Variants in STAU2 observed in about 807,000 individuals in gnomAD.
STAU2 encodes the protein double-stranded RNA-binding protein Staufen homolog 2.
STAU2 carries 20 observed loss-of-function variants against 65.9 expected under a neutral mutation model. That is an observed-to-expected ratio of 0.30 (90% CI 0.21 to 0.44). The LOEUF (loss-of-function observed/expected upper bound fraction) is 0.44. Ranked by LOEUF, STAU2 falls within the 20% of genes least tolerant of loss-of-function variation. STAU2 has a pLI of 1.00. For synonymous variants in STAU2, 232 were observed against 233.9 expected (o/e 0.99, Z 0.07); for missense variants, 558 against 683.9 (o/e 0.82, Z 2.05).
chr8:73,707,798 G>C (rs894609659), intron 4 of STAU2, among the ~76,000 whole-genome samples: 1 of 151,984 alleles, frequency 6.6e-6, no homozygotes, highest in Non-Finnish European at 1.5e-5. Context: ...CTATAACACA[G>C]TAACGGCTAC....
intron 8 of STAU2, among the ~76,000 whole-genome samples, 171 bp from the exon 9 acceptor site, chr8:73,614,127 T>G (rs1812663150): frequency 6.6e-6 from 1 of 152,214 alleles, no homozygotes; most frequent in African/African-American, 2.4e-5. Flanking sequence ...TGACACTTGA[T>G]GCTTAATGCA....
chr8:73,530,103 T>C (rs977114797), intron 13 of STAU2, among the ~76,000 whole-genome samples: 1 of 151,668 alleles, frequency 6.6e-6, no homozygotes, highest in Admixed American at 6.6e-5. Context: ...TAGATGAGAG[T>C]AGTGAGTTGG....
chr8:73,573,274 C>T (rs1429135769), intron 12 of STAU2, among the ~76,000 whole-genome samples: 1 of 152,238 alleles, frequency 6.6e-6, no homozygotes, highest in Non-Finnish European at 1.5e-5. Flanking sequence ...AATGGAAGGA[C>T]ATTCCATGCT....
chr8:73,718,045 C>A (rs926849726), intron 3 of STAU2, among the ~76,000 whole-genome samples: 1 of 152,214 alleles, frequency 6.6e-6, no homozygotes, highest in Non-Finnish European at 1.5e-5. Context: ...AATAATATGT[C>A]AATGACTGTT....
intron 13 of STAU2, among the ~76,000 whole-genome samples, chr8:73,535,055 C>T (rs10957670): frequency 0.32 from 48,241 of 152,010 alleles, 8,137 homozygotes; most frequent in African/African-American, 0.37. Flanking sequence ...GTGCAAGCCA[C>T]GGATAAAAAT....
chr8:73,427,326 C>G (rs1030297301), intron 13 of STAU2, among the ~76,000 whole-genome samples: 3 of 152,160 alleles, frequency 2.0e-5, no homozygotes, highest in African/African-American at 7.2e-5. Flanking sequence ...CTGGAATTAC[C>G]TCTCAGAACC....
chr8:73,510,708 G>C (rs1340908807), intron 13 of STAU2, among the ~76,000 whole-genome samples: 2 of 152,154 alleles, frequency 1.3e-5, no homozygotes, highest in Non-Finnish European at 2.9e-5. Flanking sequence ...GCCCAGTGAA[G>C]GGGGAAGCCC....
intron 3 of STAU2, 81 bp downstream of exon 3, chr8:73,738,198 TAGAAA>T (rs989740845): frequency 3.3e-6 from 4 of 1,222,972 alleles, no homozygotes; most frequent in African/African-American, 3.0e-5. Context: ...GTTACAGTTA[TAGAAA>T]AGAAAAGCTG....
chr8:73,557,403 T>C (rs1807870806), intron 12 of STAU2, among the ~76,000 whole-genome samples: 1 of 152,242 alleles, frequency 6.6e-6, no homozygotes, highest in Non-Finnish European at 1.5e-5. Context: ...GTTAATTCAC[T>C]TAGGATCTTC....
At chr8:73,681,102 G>A (rs1818398650) in intron 5 of STAU2, among the ~76,000 whole-genome samples, 1 of 151,986 alleles carries the variant, frequency 6.6e-6, no homozygotes, top group African/African-American at 2.4e-5. Flanking sequence ...CCAAATACAA[G>A]AAGGTCAAGG....
chr8:73,715,660 T>A (rs1821204023), intron 3 of STAU2, among the ~76,000 whole-genome samples: 1 of 152,140 alleles, frequency 6.6e-6, no homozygotes, highest in Non-Finnish European at 1.5e-5. Flanking sequence ...ATTGTACCTA[T>A]CTTTAAAACA....
At chr8:73,580,129 G>A (rs1399469673) in intron 12 of STAU2, among the ~76,000 whole-genome samples, 1 of 151,906 alleles carries the variant, frequency 6.6e-6, no homozygotes, top group Non-Finnish European at 1.5e-5. Flanking sequence ...CAAATAATGG[G>A]TGGCTAAAAA....
At chr8:73,526,115 T>C (rs954656776) in intron 13 of STAU2, among the ~76,000 whole-genome samples, 3 of 152,222 alleles carry the variant, frequency 2.0e-5, no homozygotes, top group African/African-American at 7.2e-5. Context: ...TGTTTATTTT[T>C]GGTTGGGCTC....
At chr8:73,484,573 ATTAC>A (rs1483053814) in intron 13 of STAU2, among the ~76,000 whole-genome samples, 2 of 152,128 alleles carry the variant, frequency 1.3e-5, no homozygotes, top group African/African-American at 4.8e-5. Flanking sequence ...AGATTCACCT[ATTAC>A]TTACAATAAA....
intron 13 of STAU2, among the ~76,000 whole-genome samples, chr8:73,508,851 G>T (rs1426270776): frequency 2.0e-5 from 3 of 152,164 alleles, no homozygotes; most frequent in Non-Finnish European, 2.9e-5. Context: ...TTTCATTGCT[G>T]AATAATATTC....
chr8:73,501,655 A>G (rs1821759231), intron 13 of STAU2, among the ~76,000 whole-genome samples: 1 of 151,918 alleles, frequency 6.6e-6, no homozygotes, highest in Non-Finnish European at 1.5e-5. Flanking sequence ...AGAATCTTAG[A>G]TTTCTCTTTG....
chr8:73,537,443 A>T (rs1321633881), intron 13 of STAU2, among the ~76,000 whole-genome samples: 1 of 152,218 alleles, frequency 6.6e-6, no homozygotes, highest in Non-Finnish European at 1.5e-5. Context: ...GCTTCTAAAA[A>T]TTAAAGCCTA....
intron 6 of STAU2, among the ~76,000 whole-genome samples, chr8:73,625,429 T>A (rs897701058): frequency 6.6e-6 from 1 of 152,220 alleles, no homozygotes; most frequent in Non-Finnish European, 1.5e-5. Flanking sequence ...TACATTATGC[T>A]AAGTGAAAGA....
chr8:73,560,455 A>G (rs985770509), intron 12 of STAU2, among the ~76,000 whole-genome samples: 2 of 152,168 alleles, frequency 1.3e-5, no homozygotes, highest in Non-Finnish European at 1.5e-5. Context: ...TTACCCTTAG[A>G]GTTGAACGGA....
Sources: gnomAD v4.1 joint callset for allele counts (sites outside exome capture counted in the v4.1 genomes callset) on GRCh38, gnomAD v4.1.1 for gene constraint, MANE v1.5 for transcripts, NCBI Gene and HGNC (gene_info 2026-07-23, HGNC 2026-07-21) for gene names.